Variants in GRK5 observed in about 807,000 individuals in gnomAD.
The protein encoded by GRK5 is G protein-coupled receptor kinase 5, also known as g protein-coupled receptor kinase GRK5.
In GRK5, 40 loss-of-function variants were observed where a neutral mutation model predicts 78.4. The observed-to-expected ratio is 0.51, with a 90% CI of 0.40 to 0.66. GRK5 has a LOEUF of 0.66. Among genes scored for constraint, GRK5 ranks in the 30% least tolerant of loss-of-function variants. GRK5 has a pLI of 0.00. For missense variants in GRK5, 598 were observed against 759.9 expected (o/e 0.79, Z 2.50); for synonymous variants, 289 against 296.8 (o/e 0.97, Z 0.27).
At chr10:119,236,122 T>C (rs866896981) in intron 1 of GRK5, among the ~76,000 whole-genome samples, 1 of 152,204 alleles carries the variant, frequency 6.6e-6, no homozygotes, top group Admixed American at 6.5e-5. Context: ...TGTCCTGTAA[T>C]CTCAGCACTT....
At chr10:119,368,017 G>A (rs1007018766) in intron 2 of GRK5, among the ~76,000 whole-genome samples, 3 of 152,254 alleles carry the variant, frequency 2.0e-5, no homozygotes, top group Non-Finnish European at 2.9e-5. Context: ...ATTTGCCTTG[G>A]TCCCTGGCTT....
chr10:119,311,175 G>A (rs531219332), intron 1 of GRK5, among the ~76,000 whole-genome samples: 8 of 152,202 alleles, frequency 5.3e-5, no homozygotes, highest in Admixed American at 3.3e-4. Flanking sequence ...CTTCCCTTCC[G>A]GTCCTGCCTC....
rs755802721 is a variant in GRK5, at chr10:119,423,237, G to A, written c.411G>A (p.Pro137=). The change falls in exon 5 of 16, where the codon CCG becomes CCA. Residue 137 remains proline (P), a synonymous_variant. Transcript: ENST00000392870. ...SQTEEKLLQK[P]CKELFSACAQ... ...CGGAGGAGAAGCTCCTACAGAAGCC[G>A]TGCAAAGAACTCTTTTCTGCCTGTG... The A allele has an allele frequency of 5.0e-6, 8 of 1,614,036 alleles. No homozygotes were observed. Among genetic ancestry groups the A allele is most frequent in the South Asian group, 1.1e-5 (1 of 91,078 alleles).
At chr10:119,422,503 C>T (rs536711986) in intron 4 of GRK5, among the ~76,000 whole-genome samples, 4 of 152,344 alleles carry the variant, frequency 2.6e-5, no homozygotes, top group South Asian at 2.1e-4. Context: ...GCCACAGCTG[C>T]GAGTCACAGA....
chr10:119,209,470 CTG>C (rs1197763850), intron 1 of GRK5, among the ~76,000 whole-genome samples: 6 of 137,928 alleles, frequency 4.4e-5, no homozygotes, highest in East Asian at 4.1e-4. Flanking sequence ...AAGGCCTGAG[CTG>C]TGTGTGTGTG....
chr10:119,246,720 C>T (rs1310678236), intron 1 of GRK5, among the ~76,000 whole-genome samples: 3 of 152,160 alleles, frequency 2.0e-5, no homozygotes, highest in African/African-American at 4.8e-5. Flanking sequence ...AATTATGTCA[C>T]GAATTTGGGA....
intron 4 of GRK5, among the ~76,000 whole-genome samples, chr10:119,411,567 C>CT (rs1354596329): frequency 6.6e-6 from 1 of 152,090 alleles, no homozygotes; most frequent in Non-Finnish European, 1.5e-5. Flanking sequence ...GCTGAGCATG[C>CT]TTTTTAAGAA....
At chr10:119,318,465 C>G (rs562857972) in intron 1 of GRK5, among the ~76,000 whole-genome samples, 2 of 152,280 alleles carry the variant, frequency 1.3e-5, no homozygotes, top group Admixed American at 6.5e-5. Context: ...GGTATGTGAA[C>G]CTGTTGGGCT....
chr10:119,293,717 G>C (rs868623531), intron 1 of GRK5, among the ~76,000 whole-genome samples: 6 of 151,586 alleles, frequency 4.0e-5, no homozygotes, highest in Non-Finnish European at 8.8e-5. Flanking sequence ...TGGCCTGGAT[G>C]CCTGGGTGGT....
chr10:119,373,948 C>G (rs1298973143), intron 2 of GRK5, among the ~76,000 whole-genome samples: 1 of 152,216 alleles, frequency 6.6e-6, no homozygotes, highest in East Asian at 1.9e-4. Flanking sequence ...ATATGGCCCT[C>G]AAACTACTAC....
At position 119,223,233 on chromosome 10, in the gene GRK5, T is replaced by C. The variant is rs539970813; in HGVS notation, c.52+15264T>C. 3.9e-5 allele frequency among the ~76,000 whole-genome samples: 6 copies of C among 152,270 alleles called. No homozygotes were observed. In the South Asian group the frequency reaches 1.2e-3, roughly 32 times the overall value. ...CCTGTGTCCAGAGTTATCCTTTGTA[T>C]AAGGACACCAGTGCTATTGGATCAT... On this transcript the variant is annotated intron_variant, in intron 1 of 15. Coordinates refer to ENST00000392870, the MANE Select transcript of GRK5 (RefSeq NM_005308.3).
intron 3 of GRK5, among the ~76,000 whole-genome samples, chr10:119,394,231 G>GGT (rs1851950093): frequency 8.9e-6 from 1 of 112,486 alleles, no homozygotes; most frequent in Non-Finnish European, 1.8e-5. Flanking sequence ...TGTGGGTGTG[G>GGT]GTGTGTGGGT....
At chr10:119,232,755 G>C (rs1848851818) in intron 1 of GRK5, among the ~76,000 whole-genome samples, 1 of 152,182 alleles carries the variant, frequency 6.6e-6, no homozygotes, top group African/African-American at 2.4e-5. Flanking sequence ...ATGTGAAACT[G>C]AAAGTCCAAT....
rs1233320723 is a variant in GRK5, at chr10:119,457,873, A to C, written c.*2806A>C. 1.7e-5 allele frequency: 1 copy of C among 60,382 alleles called. No homozygotes were observed. Among genetic ancestry groups the C allele is most frequent in the African/African-American group, 4.8e-5 (1 of 20,886 alleles). 3.7% of individuals were successfully genotyped at this position (60,382 alleles called of 1,614,324 possible). On this transcript the variant is annotated 3_prime_UTR_variant, in exon 16 of 16. Coordinates refer to ENST00000392870, the MANE Select transcript of GRK5 (RefSeq NM_005308.3). ...AGCTAATTTTTAAAATTTTTTGTAG[A>C]GATGGGGGGGGGGTCTCCCCATGTT... is the stretch of plus-strand genomic sequence containing the variant.
At chr10:119,426,070 G>A (rs965196553) in intron 6 of GRK5, among the ~76,000 whole-genome samples, 1 of 152,236 alleles carries the variant, frequency 6.6e-6, no homozygotes, top group South Asian at 2.1e-4. Context: ...TGTCCCCAGA[G>A]GCCTGGCATG....
chr10:119,291,612 CTCT>C (rs532633095), intron 1 of GRK5, among the ~76,000 whole-genome samples: 13 of 137,570 alleles, frequency 9.4e-5, no homozygotes, highest in African/African-American at 3.2e-4. Context: ...CTTCCTCCTC[CTCT>C]TCTTCCTCCT....
In GRK5 at chr10:119,408,393, A is replaced by G. The variant is rs555352903; in HGVS notation, c.339+11621A>G. Among the ~76,000 whole-genome samples the G allele has an allele frequency of 2.0e-5, 3 of 151,768 alleles. No homozygotes were observed. The South Asian group carries it at 6.2e-4, about 32-fold the overall frequency. On this transcript the variant is annotated intron_variant, in intron 4 of 15. Coordinates refer to ENST00000392870, the MANE Select transcript of GRK5 (RefSeq NM_005308.3). ...GAAAACACAGATGCAAACAGATACT[A>G]GTGTGCAAATATTTATAGCAGCATT... is the stretch of plus-strand genomic sequence containing the variant.
chr10:119,380,915 C>T lies in GRK5; in HGVS notation c.249C>T (p.Phe83=). 1 of 1,605,996 alleles carries T rather than the reference C, an allele frequency of 6.2e-7. No individual in the cohort carries two copies. Among genetic ancestry groups the T allele is most frequent in the Non-Finnish European group, 8.5e-7 (1 of 1,172,826 alleles). The part of the protein sequence containing the change: ...TRPGLECYIQ[F]LDSVAEYEVT... ...CTGGGCTGGAGTGTTACATTCAGTT[C>T]CTGGACTCCGTGGTAAGTTCCTGCT... Residue 83 remains phenylalanine (F), a synonymous_variant, in exon 3 of 16, where the codon TTC becomes TTT. Coordinates refer to ENST00000392870, the MANE Select transcript of GRK5 (RefSeq NM_005308.3).
In GRK5 at chr10:119,457,681, G is replaced by C. The variant is rs1363211678; in HGVS notation, c.*2614G>C. On this transcript the variant is annotated 3_prime_UTR_variant, in exon 16 of 16. Coordinates refer to ENST00000392870, the MANE Select transcript of GRK5 (RefSeq NM_005308.3). ...TCCTCCAACCTTGGTTTCTATAGCT[G>C]CATTTTTTTTTTTTTTTTTTTTTGA... 1 of 116,642 alleles carries C rather than the reference G, an allele frequency of 8.6e-6. No individual in the cohort carries two copies. The highest frequency in any genetic ancestry group is 2.6e-4 in the East Asian group (1 of 3,778). The allele number at this position is 116,642 out of a possible 1,614,324, so 7.2% of individuals were successfully genotyped here.
Sources: gnomAD v4.1 joint callset for allele counts (sites outside exome capture counted in the v4.1 genomes callset) on GRCh38, gnomAD v4.1.1 for gene constraint, MANE v1.5 for transcripts, NCBI Gene and HGNC (gene_info 2026-07-23, HGNC 2026-07-21) for gene names.